PRR30: variants seen among roughly 807,000 people sequenced by gnomAD.
PRR30 encodes the protein proline rich 30.
For missense variants in PRR30, 546 were observed against 525.3 expected, an observed-to-expected ratio of 1.04 and a Z score of -0.39; for synonymous variants, 229 against 222.7, an observed-to-expected ratio of 1.03 and a Z score of -0.25.
chr2:27,138,075 A>T lies in PRR30; in HGVS notation c.255T>A (p.His85Gln). 6.2e-7 allele frequency: 1 copy of T among 1,613,846 alleles called. No homozygotes were observed. The highest frequency in any genetic ancestry group is 8.5e-7 in the Non-Finnish European group (1 of 1,179,956). The change falls in exon 3 of 3, where the codon CAT becomes CAA. Residue 85 changes from histidine (H) to glutamine (Q), a missense_variant. By Grantham distance (24) the His-to-Gln change is conservative (BLOSUM62 0). Coordinates refer to ENST00000335524, the MANE Select transcript of PRR30 (RefSeq NM_178553.4). ...SCDSNSDFAP[H>Q]PYSPSLPSSP... ...AACTTGGGAGAGAGGGAGAATAGGG[A>T]TGTGGAGCAAAGTCAGAATTTGAGT... is the stretch of plus-strand genomic sequence containing the variant.
Position 27,137,741 on chromosome 2 carries a change from G to T in PRR30, c.589C>A (p.Pro197Thr). The change falls in exon 3 of 3, where the codon CCA becomes ACA. Residue 197 changes from proline (P) to threonine (T), a missense_variant. Physicochemically the swap from Pro to Thr is conservative, Grantham distance 38. Coordinates refer to ENST00000335524, the MANE Select transcript of PRR30 (RefSeq NM_178553.4). This position sits in a 1 kb window ranked among gnomAD's most constrained non-coding sequence, Gnocchi z 4.3. ...AACTGTGCAGGATCCTTCTCGCTTG[G>T]CACGCATCTCTCCACCACTCCAGGG... ...GSPGVVERCV[P>T]SEKDPAQFRD... The T allele has an allele frequency of 6.2e-7, 1 of 1,614,078 alleles. No individual in the cohort carries two copies. Among genetic ancestry groups the T allele is most frequent in the Non-Finnish European group, 8.5e-7 (1 of 1,180,022 alleles).
At position 27,138,245 on chromosome 2, in the gene PRR30, C is replaced by T. The variant is rs750492071; in HGVS notation, c.85G>A (p.Asp29Asn). The change falls in exon 3 of 3, where the codon GAC (aspartate) becomes AAC (asparagine). Residue 29 changes from aspartate (D) to asparagine (N), a missense_variant. Physicochemically the swap from Asp to Asn is conservative, Grantham distance 23. Transcript: ENST00000335524. ...GGCTGTAGGTTGTGAGGAGAGGAGTCCACAAGTTGTGAGAAGCCCCAAGTG... is the reference window on the plus strand; with the variant it reads ...GGCTGTAGGTTGTGAGGAGAGGAGTTCACAAGTTGTGAGAAGCCCCAAGTG... The part of the protein sequence containing the change: ...RPTWGFSQLV[D>N]SSPHNLQPLS... 1.9e-6 allele frequency: 3 copies of T among 1,613,898 alleles called. No homozygotes were observed. The highest frequency in any genetic ancestry group is 2.2e-5 in the South Asian group (2 of 91,062).
In PRR30 at chr2:27,138,527, TC is replaced by T; in HGVS notation, c.-199del. The T allele has an allele frequency of 9.8e-7, 1 of 1,022,114 alleles. No homozygotes were observed. Among genetic ancestry groups the T allele is most frequent in the African/African-American group, 1.6e-5 (1 of 61,270 alleles). The allele number at this position is 1,022,114 out of a possible 1,614,324, so 63.3% of individuals were successfully genotyped here. A position where few individuals can be genotyped will look rare whatever the true frequency, so the allele number is the denominator to read the frequency against. ...TACCCAGCCCTCCAGCACCAGGCTC[TC>T]AGGGTGTTCAGGCATGAGCATGAAT... On this transcript the variant is annotated 5_prime_UTR_variant, in exon 3 of 3. An upstream open reading frame in the 5' UTR loses its in-frame stop. Transcript: ENST00000335524.
At position 27,137,802 on chromosome 2, in the gene PRR30, C is replaced by T. The variant is rs1194864412; in HGVS notation, c.528G>A (p.Trp176Ter). 4 of 1,605,366 alleles carry T rather than the reference C, an allele frequency of 2.5e-6. No individual in the cohort carries two copies. Among genetic ancestry groups the T allele is most frequent in the Non-Finnish European group, 3.4e-6 (4 of 1,173,710 alleles). ...CAGTGTCCCTGTACTGATGCCAGCG[C>T]CATGTCTGCCTGTTAGAGTGGAGCC... ...SHRLHSNRQT[W>*]RWHQYRDTGS... Residue 176 changes from tryptophan (W) to a stop codon, truncating the protein, a stop_gained, in exon 3 of 3, where the codon TGG (tryptophan) becomes TGA (stop). Coordinates refer to ENST00000335524, the MANE Select transcript of PRR30 (RefSeq NM_178553.4). LOFTEE classifies it low-confidence loss of function (END_TRUNC). The surrounding 1 kb of genome is among the most constrained non-coding windows in gnomAD (Gnocchi z 4.3).
Position 27,138,481 on chromosome 2 carries a change from G to A in PRR30, c.-152C>T. 2.1e-6 allele frequency: 3 copies of A among 1,430,158 alleles called. No homozygotes were observed. Among genetic ancestry groups the A allele is most frequent in the Non-Finnish European group, 2.8e-6 (3 of 1,085,958 alleles). The allele number at this position is 1,430,158 out of a possible 1,614,324, so 88.6% of individuals were successfully genotyped here. On this transcript the variant is annotated 5_prime_UTR_variant, in exon 3 of 3. Transcript: ENST00000335524. Reference sequence around the variant, plus strand: ...GCTCCAGCCTGGTGTGGGTGCAGGTGCTGGTGGCAGGCCAAGGGGATACCC... The same window carrying A: ...GCTCCAGCCTGGTGTGGGTGCAGGTACTGGTGGCAGGCCAAGGGGATACCC...
Position 27,137,758 on chromosome 2 carries a change from A to T in PRR30, c.572T>A (p.Val191Glu). 1 of 1,612,930 alleles carries T rather than the reference A, an allele frequency of 6.2e-7. No homozygotes were observed. ...CTCGCTTGGCACGCATCTCTCCACCACTCCAGGGGACCCGGACCCAGTGTC... is the reference window on the plus strand; with the variant it reads ...CTCGCTTGGCACGCATCTCTCCACCTCTCCAGGGGACCCGGACCCAGTGTC... The part of the protein sequence containing the change: ...YRDTGSGSPG[V>E]VERCVPSEKD... Residue 191 changes from valine to glutamate, a missense_variant, in exon 3 of 3, where the codon GTG becomes GAG. By Grantham distance (121) the Val-to-Glu change is moderately radical. Coordinates refer to ENST00000335524, the MANE Select transcript of PRR30 (RefSeq NM_178553.4). The surrounding 1 kb of genome is among the most constrained non-coding windows in gnomAD (Gnocchi z 4.3).
Position 27,137,705 on chromosome 2 carries a change from C to T in PRR30, c.625G>A (p.Gly209Arg), listed in dbSNP as rs1158378862. ...ACCACCAGGGCCTGGGCCAGGGCCC[C>T]TGGGTCCCTGAACTGTGCAGGATCC... ...EKDPAQFRDPGALAQALVVQL... is the reference protein window; with the variant it reads ...EKDPAQFRDPRALAQALVVQL... Residue 209 changes from glycine to arginine, a missense_variant, in exon 3 of 3, where the codon GGG (glycine) becomes AGG (arginine). Coordinates refer to ENST00000335524, the MANE Select transcript of PRR30 (RefSeq NM_178553.4). This position sits in a 1 kb window ranked among gnomAD's most constrained non-coding sequence, Gnocchi z 4.3. The T allele has an allele frequency of 1.9e-6, 3 of 1,613,772 alleles. No individual in the cohort carries two copies.
In PRR30 at chr2:27,137,056, A is replaced by AG; in HGVS notation, c.*34dup. The stretch of plus-strand genomic sequence containing the variant: ...GCCTGGTTGGGAGGGTTGGGTTTGG[A>AG]GGGGGTGTTCCAGGGGGCCTCCGTG... On this transcript the variant is annotated 3_prime_UTR_variant, in exon 3 of 3. Coordinates refer to ENST00000335524, the MANE Select transcript of PRR30 (RefSeq NM_178553.4). This position sits in a 1 kb window ranked among gnomAD's most constrained non-coding sequence, Gnocchi z 4.3. 1.9e-6 allele frequency: 3 copies of AG among 1,599,158 alleles called. No homozygotes were observed. Among genetic ancestry groups the AG allele is most frequent in the Non-Finnish European group, 2.6e-6 (3 of 1,171,054 alleles).
In PRR30 at chr2:27,138,508, G is replaced by A. The variant is rs906661599; in HGVS notation, c.-179C>T. On this transcript the variant is annotated 5_prime_UTR_variant, in exon 3 of 3. Transcript: ENST00000335524. ...TGGTGGCAGGCCAAGGGGATACCCA[G>A]CCCTCCAGCACCAGGCTCTCAGGGT... 3 of 1,271,458 alleles carry A rather than the reference G, an allele frequency of 2.4e-6. No individual in the cohort carries two copies. Among genetic ancestry groups the A allele is most frequent in the Non-Finnish European group, 3.2e-6 (3 of 947,260 alleles). 78.8% of individuals were successfully genotyped at this position (1,271,458 alleles called of 1,614,324 possible).
rs1038995272 is a variant in PRR30, at chr2:27,137,095, A to G, written c.1235T>C (p.Val412Ala). 8 of 1,613,690 alleles carry G rather than the reference A, an allele frequency of 5.0e-6. No homozygotes were observed. Among genetic ancestry groups the G allele is most frequent in the Admixed American group, 1.7e-5 (1 of 59,976 alleles). The change falls in exon 3 of 3, where the codon GTC becomes GCC. Residue 412 changes from valine to alanine, a missense_variant. Val to Ala is a moderately conservative substitution (Grantham distance 64). Coordinates refer to ENST00000335524, the MANE Select transcript of PRR30 (RefSeq NM_178553.4). The surrounding 1 kb of genome is among the most constrained non-coding windows in gnomAD (Gnocchi z 4.3). ...GGGGCCTCCGTGGCTCTGGAACTAGACTGATGACTTTTGGAGAATGAGCTC... is the reference window on the plus strand; with the variant it reads ...GGGGCCTCCGTGGCTCTGGAACTAGGCTGATGACTTTTGGAGAATGAGCTC... Reference protein sequence around the residue: ...SLELILQKSSV With the variant: ...SLELILQKSSA
In PRR30 at chr2:27,137,249, T is replaced by C. The variant is rs1361764525; in HGVS notation, c.1081A>G (p.Arg361Gly). The C allele has an allele frequency of 2.5e-6, 4 of 1,614,050 alleles. No individual in the cohort carries two copies. The highest frequency in any genetic ancestry group is 3.4e-6 in the Non-Finnish European group (4 of 1,180,016). ...PGTPSQTRSF[R>G]SAGLQSPNSP... is the part of the protein sequence containing the mutation. ...TTTGGTGATTGAAGGCCTGCAGACC[T>C]GAAGCTCCTGGTCTGGGAGGGTGTG... The change falls in exon 3 of 3, where the codon AGG becomes GGG. Residue 361 changes from arginine to glycine, a missense_variant. Arg to Gly is a moderately radical substitution (Grantham distance 125). Coordinates refer to ENST00000335524, the MANE Select transcript of PRR30 (RefSeq NM_178553.4). The surrounding 1 kb of genome is among the most constrained non-coding windows in gnomAD (Gnocchi z 4.3).
In PRR30 at chr2:27,137,426, G is replaced by A. The variant is rs766557034; in HGVS notation, c.904C>T (p.Leu302=). The A allele has an allele frequency of 5.0e-6, 8 of 1,612,852 alleles. No homozygotes were observed. The Admixed American group carries it at 1.0e-4, about 20-fold the overall frequency. Residue 302 remains leucine, a synonymous_variant, in exon 3 of 3, where the codon CTG becomes TTG. Transcript: ENST00000335524. This position sits in a 1 kb window ranked among gnomAD's most constrained non-coding sequence, Gnocchi z 4.3. ...LRIGIGFGLR[L]PQGQARALHL... is the part of the protein sequence containing the mutation. ...AAGGCCCTGGCCTGGCCCTGAGGCA[G>A]GCGGAGGCCGAAGCCGATGCCTATC...
rs748172179 is a variant in PRR30 at position 27,137,651 on chromosome 2, C to T, written c.679G>A (p.Asp227Asn). The change falls in exon 3 of 3, where the codon GAC becomes AAC. Residue 227 changes from aspartate (D) to asparagine (N), a missense_variant. By Grantham distance (23) the Asp-to-Asn change is conservative (BLOSUM62 1). Coordinates refer to ENST00000335524, the MANE Select transcript of PRR30 (RefSeq NM_178553.4). This position sits in a 1 kb window ranked among gnomAD's most constrained non-coding sequence, Gnocchi z 4.3. ...TGCTGCAAAAGCAGTAGCCGCAGGT[C>T]GTGTGCGATGCGGCGGTGCCCCAGC... ...VQLGHRRIAH[D>N]LRLLLLQHLW... 8.1e-6 allele frequency: 13 copies of T among 1,612,958 alleles called. No homozygotes were observed. Among genetic ancestry groups the T allele is most frequent in the South Asian group, 7.7e-5 (7 of 91,062 alleles).
rs1234786377 is a variant in PRR30 at position 27,137,574 on chromosome 2, G to C, written c.756C>G (p.Cys252Trp). The stretch of plus-strand genomic sequence containing the variant: ...GGCTGCGGGGCCGGAGGCACACCAG[G>C]CATATAGGATACTCCACGACTGGGG... ...GQAPVVEYPI[C>W]LVCLRPRSPS... The change falls in exon 3 of 3, where the codon TGC becomes TGG. Residue 252 changes from cysteine (C) to tryptophan (W), a missense_variant. Coordinates refer to ENST00000335524, the MANE Select transcript of PRR30 (RefSeq NM_178553.4). This position sits in a 1 kb window ranked among gnomAD's most constrained non-coding sequence, Gnocchi z 4.3. The C allele has an allele frequency of 6.3e-7, 1 of 1,599,836 alleles. No homozygotes were observed. The highest frequency in any genetic ancestry group is 1.7e-5 in the Admixed American group (1 of 58,886).
rs770218623 is a variant in PRR30, at chr2:27,138,588, A to G, written c.-259T>C. 7.1e-5 allele frequency: 37 copies of G among 523,566 alleles called. No individual in the cohort carries two copies. The highest frequency in any genetic ancestry group is 2.2e-4 in the Admixed American group (6 of 26,678). The allele number at this position is 523,566 out of a possible 1,614,324, so 32.4% of individuals were successfully genotyped here. A position where few individuals can be genotyped will look rare whatever the true frequency, so the allele number is the denominator to read the frequency against. ...GCTTCTCACTTCTTTGCAGTCAACC[A>G]TTGATGAGGGATGTGTGGGGATGGA... On this transcript the variant is annotated 5_prime_UTR_variant, in exon 3 of 3. It removes an upstream start codon present in the reference 5' UTR. Coordinates refer to ENST00000335524, the MANE Select transcript of PRR30 (RefSeq NM_178553.4).
Position 27,137,191 on chromosome 2 carries a change from CG to C in PRR30, c.1138del (p.Arg380GlyfsTer10), listed in dbSNP as rs1558483049. ...SPRCFSGPPPRAPKQVTTSLK... is the reference protein window; with the variant it reads ...SPRCFSGPPPXAPKQVTTSLK... ...GGAGGTAGTGACCTGTTTTGGTGCC[CG>C]AGGTGGAGGCCCGGAGAAACATCGT... On this transcript the variant is annotated frameshift_variant, in exon 3 of 3. Coordinates refer to ENST00000335524, the MANE Select transcript of PRR30 (RefSeq NM_178553.4). LOFTEE classifies it low-confidence loss of function (END_TRUNC). The surrounding 1 kb of genome is among the most constrained non-coding windows in gnomAD (Gnocchi z 4.3). 3 of 1,614,146 alleles carry C rather than the reference CG, an allele frequency of 1.9e-6. No individual in the cohort carries two copies. Among genetic ancestry groups the C allele is most frequent in the Admixed American group, 1.7e-5 (1 of 60,028 alleles).
rs916158744 is a variant in PRR30, at chr2:27,136,984, G to A, written c.*107C>T. ...GAGCAGGAGAACACACCTGACCTCC[G>A]GCCAGCCAGCCCTTCAGGGTGTCTC... On this transcript the variant is annotated 3_prime_UTR_variant, in exon 3 of 3. Transcript: ENST00000335524. 22 of 1,439,464 alleles carry A rather than the reference G, an allele frequency of 1.5e-5. No homozygotes were observed. Among genetic ancestry groups the A allele is most frequent in the East Asian group, 4.9e-5 (2 of 40,676 alleles). The allele number at this position is 1,439,464 out of a possible 1,614,324, so 89.2% of individuals were successfully genotyped here.
rs545112908 is a variant in PRR30 at position 27,138,961 on chromosome 2, C to T, written c.-366+9G>A. 2 of 152,996 alleles carry T rather than the reference C, an allele frequency of 1.3e-5. No homozygotes were observed. The highest frequency in any genetic ancestry group is 2.4e-5 in the African/African-American group (1 of 41,502). The allele number at this position is 152,996 out of a possible 1,614,324, so 9.5% of individuals were successfully genotyped here. On this transcript the variant is annotated intron_variant, in intron 2 of 2. Transcript: ENST00000335524. ...GAATTGAGGGTGTTCTGGTGCTGAGCGCTCTTACCAATGAGAACTCCTCTG... is the reference window on the plus strand; with the variant it reads ...GAATTGAGGGTGTTCTGGTGCTGAGTGCTCTTACCAATGAGAACTCCTCTG...
chr2:27,137,274 G>A lies in PRR30; in HGVS notation c.1056C>T (p.Gly352=), dbSNP rs372007753. 8 of 1,614,126 alleles carry A rather than the reference G, an allele frequency of 5.0e-6. No individual in the cohort carries two copies. The African/African-American group carries it at 9.3e-5, about 19-fold the overall frequency. The change falls in exon 3 of 3, where the codon GGC becomes GGT. Residue 352 remains glycine (G), a synonymous_variant. Coordinates refer to ENST00000335524, the MANE Select transcript of PRR30 (RefSeq NM_178553.4). This position sits in a 1 kb window ranked among gnomAD's most constrained non-coding sequence, Gnocchi z 4.3. ...TGAAGCTCCTGGTCTGGGAGGGTGTGCCTGGGACTGGGTCGGCCCGGGCCT... is the reference window on the plus strand; with the variant it reads ...TGAAGCTCCTGGTCTGGGAGGGTGTACCTGGGACTGGGTCGGCCCGGGCCT... ...AAQARADPVP[G]TPSQTRSFRS...
Sources: gnomAD v4.1 joint callset for allele counts on GRCh38, gnomAD v4.1.1 for gene constraint, Gnocchi (gnomAD v3.1) non-coding constraint, MANE v1.5 for transcripts, NCBI Gene and HGNC (gene_info 2026-07-23, HGNC 2026-07-21) for gene names.